ADCY5: variants seen among roughly 807,000 people sequenced by gnomAD.
ADCY5 encodes adenylate cyclase type 5.
A neutral mutation model predicts 119.7 loss-of-function variants in ADCY5; 30 were observed. That is an observed-to-expected ratio of 0.25 (90% CI 0.19 to 0.34). The LOEUF is 0.34. Ranked by LOEUF, ADCY5 falls within the 10% of genes least tolerant of loss-of-function variation. The pLI is 1.00. For missense variants in ADCY5, 1,324 were observed against 1,775.2 expected (o/e 0.75, Z 4.57); for synonymous variants, 753 against 762.2 (o/e 0.99, Z 0.20).
chr3:123,302,594 C>G (rs1939911008), intron 14 of ADCY5, among the ~76,000 whole-genome samples: 1 of 152,118 alleles, frequency 6.6e-6, no homozygotes, highest in Admixed American at 6.5e-5. Context: ...TAAAGTTTTG[C>G]CCTCAGATCA....
intron 12 of ADCY5, among the ~76,000 whole-genome samples, chr3:123,307,221 A>AT (rs1365763725): frequency 2.0e-5 from 3 of 152,318 alleles, no homozygotes; most frequent in Middle Eastern, 3.4e-3. Context: ...ATTCACCTTT[A>AT]TAAAGGTGAA....
intron 1 of ADCY5, among the ~76,000 whole-genome samples, chr3:123,413,592 C>T (rs577843667): frequency 2.0e-4 from 31 of 152,344 alleles, no homozygotes; most frequent in African/African-American, 6.7e-4. Flanking sequence ...CAGTGAGGCT[C>T]TCACCAGAGG....
At chr3:123,342,318 C>T (rs80261371) in intron 3 of ADCY5, among the ~76,000 whole-genome samples, 1 of 152,300 alleles carries the variant, frequency 6.6e-6, no homozygotes, top group African/African-American at 2.4e-5. Flanking sequence ...ACCAGAGCAA[C>T]CTGGGGAATG....
chr3:123,390,765 A>G (rs1412870593), intron 1 of ADCY5, among the ~76,000 whole-genome samples: 1 of 152,226 alleles, frequency 6.6e-6, no homozygotes, highest in Non-Finnish European at 1.5e-5. Context: ...ACCCAGTCCC[A>G]TCCTGGGAAT....
chr3:123,319,554 G>C, intron 10 of ADCY5, 120 bp downstream of exon 10: 2 of 1,280,114 alleles, frequency 1.6e-6, no homozygotes, highest in South Asian at 2.9e-5. Context: ...CAGAGCTGGG[G>C]AAACTGAGGC....
At position 123,449,076 on chromosome 3, in the gene ADCY5, G is replaced by A. The variant is rs1272972809; in HGVS notation, c.-531C>T. 6.6e-6 allele frequency: 1 copy of A among 152,470 alleles called. No individual in the cohort carries two copies. The highest frequency in any genetic ancestry group is 2.4e-5 in the African/African-American group (1 of 41,390). The allele number at this position is 152,470 out of a possible 1,614,324, so 9.4% of individuals were successfully genotyped here. A position where few individuals can be genotyped will look rare whatever the true frequency, so the allele number is the denominator to read the frequency against. ...ACTGCGGGTGCGCTTTCCTCGCAGC[G>A]GACTGGGAGCGACTGGGAGGTGCGG... is the stretch of plus-strand genomic sequence containing the variant. On this transcript the variant is annotated 5_prime_UTR_variant, in exon 1 of 21. Transcript: ENST00000462833.
chr3:123,324,404 CCACACACACACACACACACACACACA>C (rs10522987), intron 8 of ADCY5, among the ~76,000 whole-genome samples: 22,680 of 109,764 alleles, frequency 0.21, 2,286 homozygotes, highest in East Asian at 0.47. Flanking sequence ...CACACAGAAA[CCACACACACACACACACACACACACA>C]CACACACACA....
intron 1 of ADCY5, among the ~76,000 whole-genome samples, chr3:123,417,225 TC>T (rs1945204420): frequency 6.6e-6 from 1 of 151,958 alleles, no homozygotes. Flanking sequence ...GGTACCAGGT[TC>T]CCCCCTACCC....
intron 3 of ADCY5, among the ~76,000 whole-genome samples, chr3:123,342,832 T>C (rs1204847199): frequency 6.6e-6 from 1 of 152,142 alleles, no homozygotes. Flanking sequence ...GGCTGGGGCG[T>C]TCTCTGGCCC....
intron 19 of ADCY5, among the ~76,000 whole-genome samples, chr3:123,287,820 G>A (rs1037549483): frequency 2.0e-5 from 3 of 152,158 alleles, no homozygotes; most frequent in Admixed American, 6.5e-5. Context: ...GAGTCTGTAG[G>A]AGGGGAGCTG....
chr3:123,305,798 C>T (rs1462156013), intron 12 of ADCY5, among the ~76,000 whole-genome samples: 1 of 152,180 alleles, frequency 6.6e-6, no homozygotes, highest in African/African-American at 2.4e-5. Context: ...CAGAATCCTC[C>T]TCCACCCTTC....
Position 123,300,106 on chromosome 3 carries a change from G to A in ADCY5, c.2900+14C>T. The A allele has an allele frequency of 6.2e-7, 1 of 1,613,092 alleles. No individual in the cohort carries two copies. Among genetic ancestry groups the A allele is most frequent in the Non-Finnish European group, 8.5e-7 (1 of 1,179,616 alleles). On this transcript the variant is annotated intron_variant, in intron 15 of 20. Transcript: ENST00000462833. ...CTCATGCCCAGTGGGGAGCGTGAGG[G>A]AGGTGCCCCATACATGGCGTTGGCG...
At chr3:123,406,523 T>C (rs1011253717) in intron 1 of ADCY5, among the ~76,000 whole-genome samples, 1 of 152,336 alleles carries the variant, frequency 6.6e-6, no homozygotes, top group East Asian at 1.9e-4. Flanking sequence ...CAGAGATTAT[T>C]GTCTGGTGCC....
chr3:123,356,481 T>C (rs1943041700), intron 1 of ADCY5, among the ~76,000 whole-genome samples: 1 of 152,116 alleles, frequency 6.6e-6, no homozygotes, highest in African/African-American at 2.4e-5. Context: ...TTCACTTGTA[T>C]GGCAATGAGT....
intron 1 of ADCY5, among the ~76,000 whole-genome samples, chr3:123,411,731 C>T (rs574835532): frequency 1.3e-5 from 2 of 152,338 alleles, no homozygotes; most frequent in Admixed American, 6.5e-5. Context: ...AGCCTGGTGA[C>T]CAGGGTGGCC....
rs201778911 is a variant in ADCY5 at position 123,393,388 on chromosome 3, T to TA, written c.1135-40808dup. ...GCAACAGAGCAAGACTCTGATTCCA[T>TA]AAAAAAAAATTCTAAAAATTAGGTG... is the stretch of plus-strand genomic sequence containing the variant. On this transcript the variant is annotated intron_variant, in intron 1 of 20. Coordinates refer to ENST00000462833, the MANE Select transcript of ADCY5 (RefSeq NM_183357.3). Among the ~76,000 whole-genome samples the TA allele has an allele frequency of 8.7e-3, 1,314 of 150,646 alleles. 14 individuals are homozygous for TA. The highest frequency in any genetic ancestry group is 0.029 in the African/African-American group (1,201 of 40,984).
At chr3:123,403,131 G>A (rs925026138) in intron 1 of ADCY5, among the ~76,000 whole-genome samples, 16 of 152,116 alleles carry the variant, frequency 1.1e-4, no homozygotes, top group Non-Finnish European at 1.9e-4. Flanking sequence ...TGTACTCCCA[G>A]CATTTCGGGG....
Position 123,320,839 on chromosome 3 carries a change from G to A in ADCY5, c.2089-68C>T, listed in dbSNP as rs540124481. ...CAGAGAGAACTGAAAGCTCAGAGGC[G>A]TCTAGATGGCTGCAGCTCATCTCTA... is the stretch of plus-strand genomic sequence containing the variant. On this transcript the variant is annotated intron_variant, in intron 8 of 20. Coordinates refer to ENST00000462833, the MANE Select transcript of ADCY5 (RefSeq NM_183357.3). The A allele has an allele frequency of 5.7e-5, 69 of 1,214,212 alleles. 1 individual carries two copies. In the Admixed American group the frequency reaches 8.4e-4, roughly 15 times the overall value. The allele number at this position is 1,214,212 out of a possible 1,614,324, so 75.2% of individuals were successfully genotyped here. A position where few individuals can be genotyped will look rare whatever the true frequency, so the allele number is the denominator to read the frequency against.
intron 1 of ADCY5, among the ~76,000 whole-genome samples, chr3:123,383,995 C>T (rs1239279860): frequency 7.2e-5 from 11 of 152,082 alleles, no homozygotes; most frequent in Non-Finnish European, 1.0e-4. Flanking sequence ...CACACACCCA[C>T]CCTTCCTCAA....
Sources: allele counts gnomAD v4.1 joint callset (sites outside exome capture counted in the v4.1 genomes callset), GRCh38; gene constraint gnomAD v4.1.1; transcripts MANE v1.5; gene names NCBI Gene and HGNC (gene_info 2026-07-23, HGNC 2026-07-21).